ITFG1: variants seen among roughly 807,000 people sequenced by gnomAD.
The protein encoded by ITFG1 is integrin alpha FG-GAP repeat containing 1, also known as T-cell immunomodulatory protein.
In ITFG1, 34 loss-of-function variants were observed where a neutral mutation model predicts 81.8. The observed-to-expected ratio is 0.42, with a 90% CI of 0.32 to 0.55. The LOEUF (loss-of-function observed/expected upper bound fraction) is 0.55. ITFG1 is among the 20% of genes least tolerant of loss of function. ITFG1 has a pLI of 0.17. For synonymous variants in ITFG1, 285 were observed against 270.6 expected, an observed-to-expected ratio of 1.05 and a Z score of -0.52; for missense variants, 672 against 755.4, an observed-to-expected ratio of 0.89 and a Z score of 1.29.
At chr16:47,238,488 A>G (rs1046802819) in intron 12 of ITFG1, among the ~76,000 whole-genome samples, 6 of 152,318 alleles carry the variant, frequency 3.9e-5, no homozygotes, top group African/African-American at 1.4e-4. Context: ...TAGAGAGCAT[A>G]ACTATAAAAT....
intron 8 of ITFG1, among the ~76,000 whole-genome samples, chr16:47,347,053 C>A (rs911648031): frequency 1.3e-5 from 2 of 152,170 alleles, no homozygotes; most frequent in East Asian, 3.9e-4. Context: ...AAAGATTCAC[C>A]ACGATTGGGG....
At chr16:47,427,488 C>T (rs1278582763) in intron 6 of ITFG1, among the ~76,000 whole-genome samples, 3 of 152,084 alleles carry the variant, frequency 2.0e-5, no homozygotes, top group Admixed American at 6.6e-5. Context: ...GAAACCCCGT[C>T]TCTACTAAAA....
chr16:47,188,764 G>A, intron 14 of ITFG1, among the ~76,000 whole-genome samples: 1 of 148,950 alleles, frequency 6.7e-6, no homozygotes, highest in East Asian at 1.9e-4. Context: ...AAAACTTAAA[G>A]TATAATAAGA....
Position 47,238,002 on chromosome 16 carries a change from C to T in ITFG1, c.1337G>A (p.Ser446Asn). 2 of 1,472,826 alleles carry T rather than the reference C, an allele frequency of 1.4e-6. No homozygotes were observed. The highest frequency in any genetic ancestry group is 1.8e-6 in the Non-Finnish European group (2 of 1,086,494). 91.2% of individuals were successfully genotyped at this position (1,472,826 alleles called of 1,614,324 possible). The part of the protein sequence containing the change: ...DAYFVKVIVL[S>N]GLCSNDCPRK... ...AGGACAGTCATTAGAACACAGACCA[C>T]TAAGAACTGTGGAAAAATAAACAGG... is the stretch of plus-strand genomic sequence containing the variant. Residue 446 changes from serine to asparagine, a missense_variant, in exon 13 of 18, where the codon AGT becomes AAT. Around this residue, in one of 3 missense-constraint regions of ITFG1, gnomAD observed 560 missense variants for 625.7 expected, o/e 0.90. Coordinates refer to ENST00000320640, the MANE Select transcript of ITFG1 (RefSeq NM_030790.5).
chr16:47,429,271 T>C (rs139621415), intron 5 of ITFG1, among the ~76,000 whole-genome samples: 33 of 152,372 alleles, frequency 2.2e-4, no homozygotes, highest in African/African-American at 7.5e-4. Flanking sequence ...TTCATCCATG[T>C]TGAAACATGT....
intron 10 of ITFG1, among the ~76,000 whole-genome samples, chr16:47,307,766 T>C (rs548226883): frequency 2.0e-5 from 3 of 152,272 alleles, no homozygotes; most frequent in African/African-American, 4.8e-5. Context: ...CAGTACCCCA[T>C]TGTTAGTTTT....
intron 10 of ITFG1, among the ~76,000 whole-genome samples, chr16:47,296,432 C>A (rs1191534302): frequency 2.6e-5 from 4 of 151,708 alleles, no homozygotes; most frequent in Admixed American, 6.6e-5. Context: ...TCTATTTATA[C>A]AGTTTCTTGT....
intron 10 of ITFG1, among the ~76,000 whole-genome samples, chr16:47,269,938 G>A (rs1043018433): frequency 1.3e-5 from 2 of 152,140 alleles, no homozygotes; most frequent in Non-Finnish European, 2.9e-5. Context: ...AATAGATCAT[G>A]GGAACAGAAA....
chr16:47,438,789 CA>C (rs1194656624), intron 5 of ITFG1, among the ~76,000 whole-genome samples: 1 of 152,306 alleles, frequency 6.6e-6, no homozygotes, highest in Admixed American at 6.5e-5. Flanking sequence ...TCTCCTCCTC[CA>C]AAGGAATGCA....
intron 6 of ITFG1, among the ~76,000 whole-genome samples, chr16:47,390,990 T>C (rs1313888707): frequency 1.3e-5 from 2 of 152,074 alleles, no homozygotes; most frequent in African/African-American, 4.8e-5. Context: ...AAAAATATCA[T>C]TTAGGAAGAG....
At chr16:47,296,234 G>A (rs1256060827) in intron 10 of ITFG1, among the ~76,000 whole-genome samples, 1 of 151,290 alleles carries the variant, frequency 6.6e-6, no homozygotes, top group Non-Finnish European at 1.5e-5. Flanking sequence ...ACCAAGTACA[G>A]CCCTTTTTTT....
chr16:47,259,530 A>C (rs755165516), intron 11 of ITFG1, among the ~76,000 whole-genome samples: 13 of 152,228 alleles, frequency 8.5e-5, no homozygotes, highest in Non-Finnish European at 1.3e-4. Flanking sequence ...TTGCAGGAGA[A>C]ACGGGAAAAC....
chr16:47,282,268 C>T (rs999648389), intron 10 of ITFG1, among the ~76,000 whole-genome samples: 7 of 151,956 alleles, frequency 4.6e-5, no homozygotes, highest in South Asian at 4.2e-4. Flanking sequence ...CTCAGCCTTG[C>T]GAGTCTTCAC....
intron 14 of ITFG1, among the ~76,000 whole-genome samples, chr16:47,208,698 C>T (rs372587370): frequency 2.6e-5 from 4 of 152,174 alleles, no homozygotes; most frequent in Admixed American, 6.5e-5. Flanking sequence ...TACTGGAGAA[C>T]GTAATTTCAG....
intron 14 of ITFG1, chr16:47,202,249 G>A (rs959491524): frequency 6.6e-6 from 1 of 152,016 alleles, no homozygotes; most frequent in Non-Finnish European, 1.5e-5. Flanking sequence ...ATTATTAAGG[G>A]GTAAATTATC....
At chr16:47,357,502 C>T (rs748648991) in intron 8 of ITFG1, among the ~76,000 whole-genome samples, 18 of 151,116 alleles carry the variant, frequency 1.2e-4, no homozygotes, top group Non-Finnish European at 1.8e-4. Flanking sequence ...GTAGTCCCAG[C>T]GACCCGGGAG....
At chr16:47,431,421 T>C (rs1360934455) in intron 5 of ITFG1, among the ~76,000 whole-genome samples, 5 of 152,200 alleles carry the variant, frequency 3.3e-5, no homozygotes, top group Non-Finnish European at 5.9e-5. Context: ...GAGAATCTAA[T>C]GCCTGATGAT....
At chr16:47,243,775 C>T (rs1965964994) in intron 12 of ITFG1, among the ~76,000 whole-genome samples, 1 of 152,160 alleles carries the variant, frequency 6.6e-6, no homozygotes, top group Non-Finnish European at 1.5e-5. Context: ...GGCATAGTGG[C>T]TCACTCCTGT....
chr16:47,164,695 T>G lies in ITFG1; in HGVS notation c.1454-2031A>C, dbSNP rs182080276. Among the ~76,000 whole-genome samples the G allele has an allele frequency of 3.5e-4, 54 of 152,378 alleles. No individual in the cohort carries two copies. In the East Asian group the frequency reaches 4.8e-3, roughly 14 times the overall value. Reference sequence around the variant, plus strand: ...ATGTTGCCAGCAGATTACTGTTGTTTTTGGTAATGCCCTAGTCAAATGAAA... The same window carrying G: ...ATGTTGCCAGCAGATTACTGTTGTTGTTGGTAATGCCCTAGTCAAATGAAA... On this transcript the variant is annotated intron_variant, in intron 14 of 17. Coordinates refer to ENST00000320640, the MANE Select transcript of ITFG1 (RefSeq NM_030790.5).
Sources: gnomAD v4.1 joint callset for allele counts (sites outside exome capture counted in the v4.1 genomes callset) on GRCh38, gnomAD v4.1.1 for gene constraint, gnomAD v4.1.1 regional missense constraint, MANE v1.5 for transcripts, NCBI Gene and HGNC (gene_info 2026-07-23, HGNC 2026-07-21) for gene names.